PDE10A: variants seen among roughly 807,000 people sequenced by gnomAD.
PDE10A encodes cAMP and cAMP-inhibited cGMP 3',5'-cyclic phosphodiesterase 10A.
PDE10A carries 39 observed loss-of-function variants against 97.7 expected under a neutral mutation model. That is an observed-to-expected ratio of 0.40 (90% confidence interval 0.31 to 0.52). The LOEUF (loss-of-function observed/expected upper bound fraction) is 0.52. Among genes scored for constraint, PDE10A ranks in the 20% least tolerant of loss-of-function variants. The probability of loss-of-function intolerance (pLI) is 0.56; values close to 1 mark genes in which losing one functional copy is unlikely to be tolerated. For missense variants in PDE10A, 731 were observed against 1,047.8 expected (o/e 0.70, Z 4.17); for synonymous variants, 371 against 376.8 (o/e 0.98, Z 0.18).
chr6:165,883,475 G>A (rs1378142967), intron 1 of PDE10A, among the ~76,000 whole-genome samples: 1 of 151,760 alleles, frequency 6.6e-6, no homozygotes, highest in African/African-American at 2.4e-5. Context: ...CCAGATGGTG[G>A]GAGGCAGTGA....
rs1583309958 is a variant in PDE10A at position 165,937,025 on chromosome 6, T to G, written c.-615+50504A>C. 2.6e-5 allele frequency among the ~76,000 whole-genome samples: 4 copies of G among 152,368 alleles called. 1 individual carries two copies. Among genetic ancestry groups the G allele is most frequent in the Admixed American group, 2.6e-4 (4 of 15,306 alleles). On this transcript the variant is annotated intron_variant, in intron 1 of 19. Transcript: ENST00000366882. ...TACAAATTTTGGAAGACCATTTGCT[T>G]GCGCTGAGACGAAGTTCTTCCTCTA...
chr6:165,397,702 C>CAAAAAAAAAA (rs71026686), intron 13 of PDE10A, among the ~76,000 whole-genome samples: 11 of 88,362 alleles, frequency 1.2e-4, no homozygotes, highest in South Asian at 4.8e-4. Flanking sequence ...AACTCCATCT[C>CAAAAAAAAAA]AAAAAAAAAA....
intron 1 of PDE10A, among the ~76,000 whole-genome samples, chr6:165,744,422 C>A (rs1236153239): frequency 6.6e-6 from 1 of 152,018 alleles, no homozygotes; most frequent in African/African-American, 2.4e-5. Flanking sequence ...TTATACCTTT[C>A]ATGTTTAATT....
At chr6:165,461,647 A>C (rs1050933297) in intron 3 of PDE10A, among the ~76,000 whole-genome samples, 113 of 152,336 alleles carry the variant, frequency 7.4e-4, no homozygotes, top group African/African-American at 2.7e-3. Flanking sequence ...TAGAAGTAGA[A>C]TGCACCCTTT....
At chr6:165,846,272 A>T (rs1436921653) in intron 1 of PDE10A, among the ~76,000 whole-genome samples, 1 of 152,248 alleles carries the variant, frequency 6.6e-6, no homozygotes. Flanking sequence ...TTATAGACCC[A>T]GGAAGCCCTG....
At chr6:165,986,722 C>T (rs1361330255) in intron 1 of PDE10A, 1 of 151,616 alleles carries the variant, frequency 6.6e-6, no homozygotes, top group African/African-American at 2.4e-5. Context: ...TATGAGGACT[C>T]CTGGCCCTGT....
intron 1 of PDE10A, among the ~76,000 whole-genome samples, chr6:165,837,821 G>A (rs1006634604): frequency 3.3e-5 from 5 of 151,922 alleles, no homozygotes; most frequent in Non-Finnish European, 5.9e-5. Context: ...GAGTAGCTGG[G>A]ACTACAGGCG....
intron 1 of PDE10A, among the ~76,000 whole-genome samples, chr6:165,813,518 G>A (rs1779334384): frequency 6.6e-6 from 1 of 152,148 alleles, no homozygotes; most frequent in Admixed American, 6.5e-5. Flanking sequence ...GCTCCTTCCC[G>A]ACTTCTGACA....
chr6:165,495,825 C>T (rs986236155), intron 2 of PDE10A, among the ~76,000 whole-genome samples: 1 of 152,138 alleles, frequency 6.6e-6, no homozygotes, highest in Admixed American at 6.5e-5. Context: ...TGAGCACCTA[C>T]TAAGTGCCTG....
intron 2 of PDE10A, among the ~76,000 whole-genome samples, chr6:165,525,333 T>C (rs1346696560): frequency 1.3e-5 from 2 of 152,174 alleles, no homozygotes; most frequent in African/African-American, 4.8e-5. Context: ...AGGGAGTCTA[T>C]TTTTAATGTT....
chr6:165,553,136 T>C (rs1021798561), intron 1 of PDE10A, among the ~76,000 whole-genome samples: 1 of 152,206 alleles, frequency 6.6e-6, no homozygotes, highest in African/African-American at 2.4e-5. Flanking sequence ...ACCCTTTACA[T>C]AAAACTTCAT....
intron 10 of PDE10A, among the ~76,000 whole-genome samples, chr6:165,419,422 G>A (rs1360206047): frequency 1.3e-5 from 2 of 152,088 alleles, no homozygotes; most frequent in Non-Finnish European, 1.5e-5. Flanking sequence ...CAATATTAAC[G>A]CAGGAAAATC....
intron 3 of PDE10A, among the ~76,000 whole-genome samples, chr6:165,465,658 G>A (rs1485700818): frequency 6.6e-6 from 1 of 152,186 alleles, no homozygotes; most frequent in Non-Finnish European, 1.5e-5. Context: ...ACGTCACAGA[G>A]CGGCAGGAGA....
chr6:165,399,905 T>C (rs1379821179), intron 13 of PDE10A, among the ~76,000 whole-genome samples: 1 of 152,214 alleles, frequency 6.6e-6, no homozygotes, highest in Non-Finnish European at 1.5e-5. Context: ...TGTGTCTTTA[T>C]AGCAGCATGA....
At chr6:165,859,512 G>A (rs1001603757) in intron 1 of PDE10A, among the ~76,000 whole-genome samples, 1 of 152,160 alleles carries the variant, frequency 6.6e-6, no homozygotes, top group African/African-American at 2.4e-5. Context: ...ATATTACAAA[G>A]GATGCAGATG....
intron 1 of PDE10A, among the ~76,000 whole-genome samples, chr6:165,885,318 C>T (rs1299947309): frequency 6.6e-6 from 1 of 152,100 alleles, no homozygotes; most frequent in Non-Finnish European, 1.5e-5. Context: ...GAAGTGGGCA[C>T]CTTCTTCACA....
At position 165,411,086 on chromosome 6, in the gene PDE10A, CAAAAAAAAAAAA is replaced by C. The variant is rs71026688; in HGVS notation, c.2076+2403_2076+2414del. Among the ~76,000 whole-genome samples the C allele has an allele frequency of 1.2e-4, 5 of 43,080 alleles. 1 individual carries two copies. Among genetic ancestry groups the C allele is most frequent in the South Asian group, 1.1e-3 (1 of 938 alleles). The allele number at this position is 43,080 out of a possible 152,430, so 28.3% of individuals were successfully genotyped here. ...TGGGCAACAGAGCGAGACTCCGCCT[CAAAAAAAAAAAA>C]AAAAAAAAAAAGAAATATCCTTAAA... On this transcript the variant is annotated intron_variant, in intron 13 of 21. Transcript: ENST00000539869.
At chr6:165,452,143 C>T (rs1186729466) in intron 3 of PDE10A, among the ~76,000 whole-genome samples, 1 of 152,184 alleles carries the variant, frequency 6.6e-6, no homozygotes, top group African/African-American at 2.4e-5. Flanking sequence ...ATACCTGGCT[C>T]TGGTGCAGGC....
chr6:165,632,190 G>A (rs3008038), intron 1 of PDE10A, among the ~76,000 whole-genome samples: 40,681 of 120,006 alleles, frequency 0.34, 6,277 homozygotes, highest in Middle Eastern at 0.54. Flanking sequence ...ATAAGAGGGA[G>A]AGTCCATCTC....
Sources: gnomAD v4.1 joint callset for allele counts (sites outside exome capture counted in the v4.1 genomes callset) on GRCh38, gnomAD v4.1.1 for gene constraint, MANE v1.5 for transcripts, NCBI Gene and HGNC (gene_info 2026-07-23, HGNC 2026-07-21) for gene names.